BACH2: variants seen among roughly 807,000 people sequenced by gnomAD.
BACH2 encodes BACH transcriptional regulator 2.
BACH2 carries 5 observed loss-of-function variants against 61.8 expected under a neutral mutation model. The ratio of observed to expected loss-of-function variants is 0.08; its 90% confidence interval spans 0.04 to 0.17. BACH2 has a LOEUF of 0.17. Among genes scored for constraint, BACH2 ranks in the 10% least tolerant of loss-of-function variants. BACH2 has a pLI of 1.00. For synonymous variants in BACH2, 446 were observed against 440.1 expected (o/e 1.01, Z -0.17); for missense variants, 824 against 1,091.1 (o/e 0.76, Z 3.45).
intron 7 of BACH2, among the ~76,000 whole-genome samples, chr6:89,942,972 G>T (rs1562312046): frequency 6.6e-6 from 1 of 152,154 alleles, no homozygotes; most frequent in Admixed American, 6.5e-5. Context: ...GGAGATTCCA[G>T]CTTTACACAT....
chr6:90,056,357 G>C (rs1194870016), intron 5 of BACH2, among the ~76,000 whole-genome samples: 1 of 152,058 alleles, frequency 6.6e-6, no homozygotes, highest in Non-Finnish European at 1.5e-5. Flanking sequence ...AACAAACAAA[G>C]ATCAAAAGAG....
chr6:90,088,863 A>C (rs1402772204), intron 5 of BACH2, 98 bp downstream of exon 5: 8 of 152,344 alleles, frequency 5.3e-5, no homozygotes, highest in Admixed American at 5.2e-4. Flanking sequence ...GTTAAAAAAA[A>C]AAAGTAATTC....
intron 4 of BACH2, among the ~76,000 whole-genome samples, chr6:90,093,170 A>G (rs1782243198): frequency 6.6e-6 from 1 of 152,184 alleles, no homozygotes; most frequent in Admixed American, 6.6e-5. Context: ...TATAACTTTA[A>G]CAACTGGTAT....
chr6:90,030,181 T>C (rs1778888210), intron 5 of BACH2, among the ~76,000 whole-genome samples: 1 of 152,188 alleles, frequency 6.6e-6, no homozygotes, highest in East Asian at 1.9e-4. Flanking sequence ...GTCCACGGCC[T>C]ATCTCAAACT....
chr6:90,072,575 T>C (rs1781284896), intron 5 of BACH2, among the ~76,000 whole-genome samples: 1 of 152,206 alleles, frequency 6.6e-6, no homozygotes, highest in South Asian at 2.1e-4. Flanking sequence ...ACCCTCCACA[T>C]GATAATTCAC....
chr6:90,014,181 C>T (rs1286296292), intron 5 of BACH2, among the ~76,000 whole-genome samples: 1 of 151,092 alleles, frequency 6.6e-6, no homozygotes, highest in Non-Finnish European at 1.5e-5. Context: ...CTGTAGTTTT[C>T]TTACATAGTT....
chr6:90,038,944 GCAAGAGAATCA>G (rs1186821869), intron 5 of BACH2, among the ~76,000 whole-genome samples: 3 of 151,624 alleles, frequency 2.0e-5, no homozygotes, highest in African/African-American at 7.3e-5. Context: ...GGAGGCTGAG[GCAAGAGAATCA>G]CTTGAACCCA....
chr6:90,070,866 C>T (rs1250103848), intron 5 of BACH2, among the ~76,000 whole-genome samples: 2 of 152,220 alleles, frequency 1.3e-5, no homozygotes, highest in Non-Finnish European at 2.9e-5. Context: ...TCCAGGCTAA[C>T]CTTTCTCTGT....
At chr6:90,158,493 T>A (rs1035668202) in intron 4 of BACH2, among the ~76,000 whole-genome samples, 25 of 151,944 alleles carry the variant, frequency 1.6e-4, no homozygotes, top group Non-Finnish European at 3.4e-4. Flanking sequence ...CAGTCATAAC[T>A]GATTGGGACA....
At chr6:90,243,043 C>A (rs1383077751) in intron 3 of BACH2, among the ~76,000 whole-genome samples, 3 of 137,246 alleles carry the variant, frequency 2.2e-5, no homozygotes, top group Non-Finnish European at 4.7e-5. Flanking sequence ...CCATGCCCGG[C>A]TAATTTTTTT....
intron 6 of BACH2, chr6:90,001,596 C>T (rs1389232413): frequency 2.0e-5 from 3 of 152,224 alleles, no homozygotes; most frequent in Non-Finnish European, 4.4e-5. Context: ...ATTTTGCTGG[C>T]TCTCTTCCAA....
chr6:90,058,666 G>C (rs892973442), intron 5 of BACH2, among the ~76,000 whole-genome samples: 2 of 152,108 alleles, frequency 1.3e-5, no homozygotes, highest in African/African-American at 4.8e-5. Flanking sequence ...GCATCGCCAA[G>C]TCAATCCTAA....
chr6:90,073,603 G>A (rs1205332275), intron 5 of BACH2, among the ~76,000 whole-genome samples: 2 of 152,150 alleles, frequency 1.3e-5, no homozygotes, highest in Non-Finnish European at 2.9e-5. Flanking sequence ...TTTCCTGGGA[G>A]GTCACATTTC....
chr6:90,229,518 A>C (rs1770026474), intron 3 of BACH2, among the ~76,000 whole-genome samples: 1 of 152,182 alleles, frequency 6.6e-6, no homozygotes, highest in African/African-American at 2.4e-5. Flanking sequence ...GTAGCTCTTA[A>C]AGATCCCCAG....
chr6:90,116,245 A>C (rs1159395590), intron 4 of BACH2, among the ~76,000 whole-genome samples: 1 of 152,214 alleles, frequency 6.6e-6, no homozygotes, highest in Non-Finnish European at 1.5e-5. Flanking sequence ...ATCAACCTAA[A>C]TGCCCGTCAA....
Position 90,089,767 on chromosome 6 carries a change from T to G in BACH2, c.-161-658A>C, listed in dbSNP as rs776825873. ...ACCGAAACTCTTGGGGCCAGATATA[T>G]TTCAGAATTCAGAATTTTTGGATTT... On this transcript the variant is annotated intron_variant, in intron 4 of 8. Coordinates refer to ENST00000257749, the MANE Select transcript of BACH2 (RefSeq NM_021813.4). 1.2e-3 allele frequency among the ~76,000 whole-genome samples: 182 copies of G among 152,266 alleles called. 2 individuals carry two copies. The highest frequency in any genetic ancestry group is 2.0e-3 in the Non-Finnish European group (139 of 68,016).
At position 90,045,208 on chromosome 6, in the gene BACH2, C is replaced by T. The variant is rs117183006; in HGVS notation, c.-12-36352G>A. The stretch of plus-strand genomic sequence containing the variant: ...ATGGCTAATCCAGACTTTTCCCTTA[C>T]ATGCGCAGAAAAGCCTGCATCCTAA... On this transcript the variant is annotated intron_variant, in intron 5 of 8. Coordinates refer to ENST00000257749, the MANE Select transcript of BACH2 (RefSeq NM_021813.4). Among the ~76,000 whole-genome samples the T allele has an allele frequency of 1.0e-3, 154 of 152,312 alleles. 1 individual carries two copies. In the East Asian group the frequency reaches 0.023, roughly 22 times the overall value.
intron 3 of BACH2, among the ~76,000 whole-genome samples, chr6:90,235,772 G>A (rs1017959564): frequency 3.9e-5 from 6 of 152,310 alleles, no homozygotes; most frequent in South Asian, 2.1e-4. Context: ...CATTTACTCA[G>A]AATTTAGTAA....
At chr6:90,289,914 T>C (rs1772129678) in intron 1 of BACH2, among the ~76,000 whole-genome samples, 1 of 152,368 alleles carries the variant, frequency 6.6e-6, no homozygotes, top group African/African-American at 2.4e-5. Flanking sequence ...ATTCAAATAT[T>C]GTCAAAACCA....
Sources: allele counts gnomAD v4.1 joint callset (sites outside exome capture counted in the v4.1 genomes callset), GRCh38; gene constraint gnomAD v4.1.1; transcripts MANE v1.5; gene names NCBI Gene and HGNC (gene_info 2026-07-23, HGNC 2026-07-21).